The following WDR11 variants were observed in gnomAD, a reference collection of about 807,000 sequenced individuals.
WDR11 encodes WD repeat domain 11, also known as WD repeat-containing protein 11.
In WDR11, 83 loss-of-function variants were observed where a neutral mutation model predicts 151.2. The observed-to-expected ratio is 0.55, with a 90% CI of 0.46 to 0.66. The LOEUF is 0.66. WDR11 is among the 30% of genes least tolerant of loss of function. The pLI is 0.00. For missense variants in WDR11, 1,301 were observed against 1,480.9 expected (o/e 0.88, Z 1.99); for synonymous variants, 484 against 533.1 (o/e 0.91, Z 1.27).
At chr10:120,877,036 A>G (rs1484323046) in intron 11 of WDR11, among the ~76,000 whole-genome samples, 1 of 152,228 alleles carries the variant, frequency 6.6e-6, no homozygotes, top group East Asian at 1.9e-4. Flanking sequence ...AGAATTTCAC[A>G]CATGCTTCTG....
chr10:120,896,810 G>C (rs1161347934), intron 19 of WDR11, among the ~76,000 whole-genome samples: 2 of 152,162 alleles, frequency 1.3e-5, no homozygotes, highest in African/African-American at 2.4e-5. Context: ...TCCAGGGGTG[G>C]ATTTGGGTTG....
chr10:120,896,789 G>A (rs1387082443), intron 19 of WDR11, among the ~76,000 whole-genome samples: 1 of 152,132 alleles, frequency 6.6e-6, no homozygotes, highest in African/African-American at 2.4e-5. Flanking sequence ...GGCGGTGGTG[G>A]GAAGAAACAT....
At position 120,904,034 on chromosome 10, in the gene WDR11, T is replaced by G; in HGVS notation, c.2932-13T>G. On this transcript the variant is annotated splice_polypyrimidine_tract_variant and intron_variant, in intron 23 of 28. Transcript: ENST00000263461. ...TAATCCAGGCTTAATTTTTCTTTTT[T>G]TTCCAATTCTAGAAATTTCAGCTAG... 6.3e-7 allele frequency: 1 copy of G among 1,581,058 alleles called. No homozygotes were observed. The highest frequency in any genetic ancestry group is 8.7e-7 in the Non-Finnish European group (1 of 1,151,222).
At chr10:120,871,449 A>C in intron 10 of WDR11, 103 bp downstream of exon 10, 1 of 1,241,718 alleles carries the variant, frequency 8.1e-7, no homozygotes, top group Middle Eastern at 2.1e-4. Flanking sequence ...ATGCTTTAAA[A>C]GGAGATAGAG....
At chr10:120,882,340 C>T (rs982420561) in intron 13 of WDR11, among the ~76,000 whole-genome samples, 3 of 151,672 alleles carry the variant, frequency 2.0e-5, no homozygotes, top group East Asian at 1.9e-4. Flanking sequence ...ATATTGGTGT[C>T]GTTTTTATGT....
At position 120,878,434 on chromosome 10, in the gene WDR11, A is replaced by G. The variant is rs766789822; in HGVS notation, c.1638A>G (p.Glu546=). Residue 546 remains glutamate (E), a synonymous_variant, in exon 12 of 29, where the codon GAA becomes GAG. Transcript: ENST00000263461. ...ACAATATGGGATTAGTGAGAAATGA[A>G]CTTCAACTGGTTGATCTTCCAACAG... ...TPNNMGLVRN[E]LQLVDLPTGR... 1 of 1,613,270 alleles carries G rather than the reference A, an allele frequency of 6.2e-7. No individual in the cohort carries two copies. Among genetic ancestry groups the G allele is most frequent in the South Asian group, 1.1e-5 (1 of 91,054 alleles).
chr10:120,856,926 T>G (rs549249901), intron 2 of WDR11, among the ~76,000 whole-genome samples: 9 of 152,180 alleles, frequency 5.9e-5, no homozygotes, highest in Non-Finnish European at 1.2e-4. Context: ...AGGGGTTAGG[T>G]TCTTGTGAGG....
At chr10:120,857,997 C>G (rs893966742) in intron 2 of WDR11, among the ~76,000 whole-genome samples, 1 of 152,136 alleles carries the variant, frequency 6.6e-6, no homozygotes, top group Non-Finnish European at 1.5e-5. Flanking sequence ...GGCCTGACTC[C>G]TAGTGAGGAC....
chr10:120,858,415 C>T (rs1002100105), intron 2 of WDR11, among the ~76,000 whole-genome samples: 6 of 152,174 alleles, frequency 3.9e-5, no homozygotes, highest in African/African-American at 1.4e-4. Context: ...TTTTTCATCA[C>T]AGGATCTTTG....
At chr10:120,852,448 A>G in intron 1 of WDR11, 76 bp from the exon 2 acceptor site, 2 of 1,238,918 alleles carry the variant, frequency 1.6e-6, no homozygotes, top group South Asian at 1.3e-5. Flanking sequence ...TAGACTTATC[A>G]TTTATTTAGG....
chr10:120,893,416 G>T (rs924492917), intron 19 of WDR11, among the ~76,000 whole-genome samples: 1 of 152,078 alleles, frequency 6.6e-6, no homozygotes, highest in Non-Finnish European at 1.5e-5. Context: ...GTCTATGATT[G>T]TTGGACATTT....
intron 12 of WDR11, among the ~76,000 whole-genome samples, chr10:120,878,680 G>T (rs1351869475): frequency 6.6e-6 from 1 of 152,092 alleles, no homozygotes; most frequent in Admixed American, 6.5e-5. Context: ...AGGACCATTA[G>T]CCTGAACAGA....
At chr10:120,876,194 G>C (rs1350174978) in intron 11 of WDR11, among the ~76,000 whole-genome samples, 5 of 151,650 alleles carry the variant, frequency 3.3e-5, no homozygotes, top group Non-Finnish European at 7.4e-5. Context: ...TGGTCAGGCC[G>C]GTCTTGAATT....
intron 16 of WDR11, among the ~76,000 whole-genome samples, chr10:120,887,083 T>C (rs1847247363): frequency 6.6e-6 from 1 of 152,224 alleles, no homozygotes; most frequent in South Asian, 2.1e-4. Context: ...TTATCTCCAT[T>C]TTACCCATAA....
intron 14 of WDR11, among the ~76,000 whole-genome samples, chr10:120,884,833 A>G (rs1847159207): frequency 2.6e-5 from 4 of 152,210 alleles, no homozygotes; most frequent in Admixed American, 2.6e-4. Flanking sequence ...CTAAAAGGCC[A>G]ACAAGCCATA....
chr10:120,858,187 G>C (rs1206957412), intron 2 of WDR11, among the ~76,000 whole-genome samples: 1 of 151,910 alleles, frequency 6.6e-6, no homozygotes, highest in African/African-American at 2.4e-5. Context: ...GAGACAGCTA[G>C]AGTTTTTTGT....
intron 21 of WDR11, 107 bp from the exon 22 acceptor site, chr10:120,902,150 T>A: frequency 2.2e-6 from 2 of 922,134 alleles, no homozygotes; most frequent in East Asian, 5.0e-5. Context: ...ATTCTAAACA[T>A]GTTATTTGAC....
chr10:120,881,042 A>G, intron 13 of WDR11, 141 bp downstream of exon 13: 1 of 716,760 alleles, frequency 1.4e-6, no homozygotes, highest in Non-Finnish European at 2.4e-6. Flanking sequence ...TGCAGCCCAA[A>G]GAAAATATTT....
intron 2 of WDR11, among the ~76,000 whole-genome samples, chr10:120,855,276 G>A (rs1462480464): frequency 6.6e-6 from 1 of 152,178 alleles, no homozygotes; most frequent in Admixed American, 6.5e-5. Context: ...CAGCATGGAT[G>A]TTCTGGACAA....
Sources: gnomAD v4.1 joint callset for allele counts (sites outside exome capture counted in the v4.1 genomes callset) on GRCh38, gnomAD v4.1.1 for gene constraint, MANE v1.5 for transcripts, NCBI Gene and HGNC (gene_info 2026-07-23, HGNC 2026-07-21) for gene names.